Variants in BCL2L1 observed in about 807,000 individuals in gnomAD.
BCL2L1 encodes the protein bcl-2-like protein 1.
A neutral mutation model predicts 18.7 loss-of-function variants in BCL2L1; 1 was observed. The ratio of observed to expected loss-of-function variants is 0.05; its 90% CI spans 0.02 to 0.25. BCL2L1 has a LOEUF of 0.25. Ranked by LOEUF, BCL2L1 falls within the 10% of genes least tolerant of loss-of-function variation. The probability of loss-of-function intolerance (pLI) is 1.00; values close to 1 mark genes in which losing one functional copy is unlikely to be tolerated. For synonymous variants in BCL2L1, 103 were observed against 122.7 expected (o/e 0.84, Z 1.06); for missense variants, 207 against 304.9 (o/e 0.68, Z 2.39).
chr20:31,705,005 A>C (rs1383906393), intron 2 of BCL2L1, among the ~76,000 whole-genome samples: 1 of 152,220 alleles, frequency 6.6e-6, no homozygotes, highest in Non-Finnish European at 1.5e-5. Flanking sequence ...TAGACCAAAA[A>C]CTACAGACAA....
chr20:31,687,536 G>A (rs891835032), intron 2 of BCL2L1, among the ~76,000 whole-genome samples: 1 of 151,914 alleles, frequency 6.6e-6, no homozygotes, highest in African/African-American at 2.4e-5. Flanking sequence ...AAATAGCCGG[G>A]TGTGGTGGCA....
intron 2 of BCL2L1, among the ~76,000 whole-genome samples, chr20:31,714,746 G>T (rs1346688598): frequency 6.6e-6 from 1 of 152,132 alleles, no homozygotes; most frequent in East Asian, 1.9e-4. Context: ...ATCACATTTG[G>T]AGAGAACTAT....
chr20:31,670,866 C>T (rs1025734257), intron 2 of BCL2L1, among the ~76,000 whole-genome samples: 4 of 152,162 alleles, frequency 2.6e-5, no homozygotes, highest in African/African-American at 9.7e-5. Context: ...TCTCAGCAGG[C>T]GGCTGCTCTG....
intron 2 of BCL2L1, among the ~76,000 whole-genome samples, chr20:31,682,694 A>G (rs2060884328): frequency 1.3e-5 from 2 of 152,066 alleles, no homozygotes; most frequent in South Asian, 2.1e-4. Context: ...AGCTCAAGCT[A>G]TTCTCTCGCC....
At chr20:31,680,839 A>G (rs960809015) in intron 2 of BCL2L1, among the ~76,000 whole-genome samples, 8 of 152,228 alleles carry the variant, frequency 5.3e-5, no homozygotes, top group Non-Finnish European at 5.9e-5. Flanking sequence ...AAGAAAGAAT[A>G]AATGTGAGAA....
At chr20:31,720,785 C>T in intron 2 of BCL2L1, 2 of 985,416 alleles carry the variant, frequency 2.0e-6, no homozygotes, top group Non-Finnish European at 2.4e-6. Context: ...CATGTGAAGT[C>T]TGTTACTAAA....
chr20:31,695,846 T>G (rs551923783), intron 2 of BCL2L1, among the ~76,000 whole-genome samples: 2 of 152,332 alleles, frequency 1.3e-5, no homozygotes, highest in East Asian at 3.9e-4. Flanking sequence ...CCAATGTCAC[T>G]TTATCAGAGA....
intron 2 of BCL2L1, among the ~76,000 whole-genome samples, chr20:31,700,489 T>C (rs1401656723): frequency 1.3e-5 from 2 of 152,224 alleles, no homozygotes; most frequent in Admixed American, 6.5e-5. Context: ...AACCTGGTTC[T>C]AGCTGACCTT....
At chr20:31,706,867 G>A (rs1466316813) in intron 2 of BCL2L1, among the ~76,000 whole-genome samples, 3 of 152,176 alleles carry the variant, frequency 2.0e-5, no homozygotes, top group Non-Finnish European at 4.4e-5. Flanking sequence ...GGCAAGGCGG[G>A]TGTTATCTTT....
chr20:31,691,647 A>G (rs919287827), intron 2 of BCL2L1, among the ~76,000 whole-genome samples: 1 of 152,178 alleles, frequency 6.6e-6, no homozygotes, highest in African/African-American at 2.4e-5. Flanking sequence ...CTGAAAGACT[A>G]TATTTGTAAC....
intron 2 of BCL2L1, among the ~76,000 whole-genome samples, chr20:31,694,253 G>C (rs1223450948): frequency 6.6e-6 from 1 of 151,654 alleles, no homozygotes; most frequent in Non-Finnish European, 1.5e-5. Context: ...TTCTGTCAGA[G>C]CCCCTCCATC....
chr20:31,719,731 T>C (rs926929372), intron 2 of BCL2L1, among the ~76,000 whole-genome samples: 1 of 152,230 alleles, frequency 6.6e-6, no homozygotes, highest in African/African-American at 2.4e-5. Context: ...ACTGGGCAGC[T>C]GGCAATTCTC....
intron 2 of BCL2L1, among the ~76,000 whole-genome samples, chr20:31,691,570 A>G (rs2061076422): frequency 6.9e-6 from 1 of 144,322 alleles, no homozygotes; most frequent in Non-Finnish European, 1.5e-5. Flanking sequence ...TAAAATAAAC[A>G]GGCTGGGTGT....
Position 31,699,286 on chromosome 20 carries a change from T to C in BCL2L1, c.564+22369A>G, listed in dbSNP as rs547964234. Among the ~76,000 whole-genome samples, 20 of 152,308 alleles carry C rather than the reference T, an allele frequency of 1.3e-4. 1 individual carries two copies. The South Asian group carries it at 4.1e-3, about 32-fold the overall frequency. On this transcript the variant is annotated intron_variant, in intron 2 of 2. Transcript: ENST00000307677. ...ACTCCAGCCTCATTCTGAAGAGACT[T>C]GCAGAGCAGGAAGGAAGGGGTAATG...
At position 31,716,382 on chromosome 20, in the gene BCL2L1, TA is replaced by T. The variant is rs1467954636; in HGVS notation, c.564+5272del. 2.0e-5 allele frequency among the ~76,000 whole-genome samples: 3 copies of T among 152,174 alleles called. No homozygotes were observed. In the South Asian group the frequency reaches 6.2e-4, roughly 31 times the overall value. On this transcript the variant is annotated intron_variant, in intron 2 of 2. Coordinates refer to ENST00000307677, the MANE Select transcript of BCL2L1 (RefSeq NM_138578.3). ...TGTACAATCATCTGATATAAACATG[TA>T]ATTATATATTTATTGCCTGTCACTC... is the stretch of plus-strand genomic sequence containing the variant.
At chr20:31,697,842 T>C (rs1279398224) in intron 2 of BCL2L1, among the ~76,000 whole-genome samples, 1 of 151,184 alleles carries the variant, frequency 6.6e-6, no homozygotes, top group Non-Finnish European at 1.5e-5. Context: ...TGAGGTGCTA[T>C]ACTGATAAGT....
chr20:31,690,176 C>T (rs901866852), intron 2 of BCL2L1, among the ~76,000 whole-genome samples: 9 of 152,014 alleles, frequency 5.9e-5, no homozygotes, highest in African/African-American at 1.4e-4. Flanking sequence ...TTCAACCTCC[C>T]GGACTGAAGA....
intron 2 of BCL2L1, among the ~76,000 whole-genome samples, chr20:31,672,740 T>G (rs2122463652): frequency 6.6e-6 from 1 of 152,352 alleles, no homozygotes; most frequent in African/African-American, 2.4e-5. Flanking sequence ...GTGAAAAGGT[T>G]GGCATGATGC....
At chr20:31,723,296 C>T (rs2061666683), upstream of BCL2L1, 27 of 985,672 alleles carry the variant, frequency 2.7e-5, no homozygotes, top group African/African-American at 3.5e-5. Context: ...ACACAATGGC[C>T]GCCGGCGCCC....
Sources: gnomAD v4.1 joint callset for allele counts (sites outside exome capture counted in the v4.1 genomes callset) on GRCh38, gnomAD v4.1.1 for gene constraint, MANE v1.5 for transcripts, NCBI Gene and HGNC (gene_info 2026-07-23, HGNC 2026-07-21) for gene names.